BAZ2B: variants seen among roughly 807,000 people sequenced by gnomAD.
BAZ2B encodes bromodomain adjacent to zinc finger domain protein 2B.
BAZ2B carries 91 observed loss-of-function variants against 246.0 expected under a neutral mutation model. The ratio of observed to expected loss-of-function variants is 0.37; its 90% CI spans 0.31 to 0.44. The LOEUF (loss-of-function observed/expected upper bound fraction) is 0.44, where lower values mean the gene tolerates loss of function less well. Ranked by LOEUF, BAZ2B falls within the 20% of genes least tolerant of loss-of-function variation. The pLI is 1.00. For synonymous variants in BAZ2B, 855 were observed against 860.0 expected (o/e 0.99, Z 0.10); for missense variants, 2,332 against 2,533.7 (o/e 0.92, Z 1.71).
At chr2:159,664,835 C>A in the BAZ2B span, among the ~76,000 whole-genome samples, 2 of 141,140 alleles carry the variant, frequency 1.4e-5, no homozygotes, top group African/African-American at 5.4e-5. Context: ...GTTGCCTGTT[C>A]ACTCTGATGG....
chr2:159,354,640 C>T (rs115085009), intron 27 of BAZ2B, among the ~76,000 whole-genome samples: 5,427 of 152,106 alleles, frequency 0.036, 195 homozygotes, highest in African/African-American at 0.095. Context: ...TGTGAGCCAC[C>T]GCCTCTGGCT....
At chr2:159,697,891 G>A in the BAZ2B span, among the ~76,000 whole-genome samples, 2 of 152,042 alleles carry the variant, frequency 1.3e-5, no homozygotes, top group Middle Eastern at 3.4e-3. Flanking sequence ...TTTTATATGC[G>A]GGTTAGAGTT....
At chr2:159,389,536 G>T in intron 20 of BAZ2B, 51 bp from the exon 21 acceptor site, 5 of 1,410,860 alleles carry the variant, frequency 3.5e-6, no homozygotes, top group Non-Finnish European at 4.7e-6. Context: ...TATATATGTT[G>T]GAATAAACTT....
At chr2:159,569,702 G>A (rs1370116312) in intron 1 of BAZ2B, among the ~76,000 whole-genome samples, 4 of 152,098 alleles carry the variant, frequency 2.6e-5, no homozygotes, top group South Asian at 2.1e-4. Flanking sequence ...GCACACACCT[G>A]TAATCCCAGC....
At chr2:159,385,486 A>G in intron 22 of BAZ2B, 117 bp from the exon 23 acceptor site, 1 of 808,440 alleles carries the variant, frequency 1.2e-6, no homozygotes, top group Non-Finnish European at 1.8e-6. Flanking sequence ...AGCTTTATTC[A>G]CTTTTTTTTT....
chr2:159,425,908 AT>A (rs1325929883), intron 13 of BAZ2B, among the ~76,000 whole-genome samples: 24 of 152,214 alleles, frequency 1.6e-4, no homozygotes, highest in African/African-American at 5.8e-4. Context: ...GTATATAAAA[AT>A]GTACATGGTT....
At chr2:159,455,769 T>TTTG (rs2075683090) in intron 3 of BAZ2B, among the ~76,000 whole-genome samples, 1 of 143,938 alleles carries the variant, frequency 6.9e-6, no homozygotes, top group Non-Finnish European at 1.5e-5. Context: ...TGTGGTTTTT[T>TTTG]TTTTTTTTTT....
At chr2:159,385,405 C>G (rs1175927949) in intron 22 of BAZ2B, 36 bp from the exon 23 acceptor site, 1 of 1,540,470 alleles carries the variant, frequency 6.5e-7, no homozygotes, top group South Asian at 1.1e-5. Flanking sequence ...GTATTACTCA[C>G]AACCATTTAT....
At chr2:159,466,753 C>T (rs1026966196) in intron 3 of BAZ2B, among the ~76,000 whole-genome samples, 7 of 152,128 alleles carry the variant, frequency 4.6e-5, no homozygotes, top group African/African-American at 1.7e-4. Context: ...TAAGTCCCAG[C>T]CACGGAAGAA....
intron 1 of BAZ2B, among the ~76,000 whole-genome samples, chr2:159,603,120 G>C (rs1692563155): frequency 1.3e-5 from 2 of 152,328 alleles, no homozygotes; most frequent in South Asian, 4.1e-4. Context: ...CTAGGCAACA[G>C]AGCGAGACTC....
chr2:159,554,560 A>C (rs1169675682), intron 2 of BAZ2B, among the ~76,000 whole-genome samples: 1 of 151,950 alleles, frequency 6.6e-6, no homozygotes, highest in Non-Finnish European at 1.5e-5. Context: ...ATTTCTCTCT[A>C]GTCTCTGCAA....
chr2:159,385,478 C>A, intron 22 of BAZ2B, 109 bp from the exon 23 acceptor site: 2 of 856,522 alleles, frequency 2.3e-6, no homozygotes, highest in Non-Finnish European at 3.4e-6. Flanking sequence ...CTGACAAGAG[C>A]TTTATTCACT....
chr2:159,623,131 AAAAG>A, the BAZ2B span, among the ~76,000 whole-genome samples: 8 of 150,534 alleles, frequency 5.3e-5, no homozygotes, highest in African/African-American at 1.2e-4. Flanking sequence ...AAGGGAGAGA[AAAAG>A]AAAGATAAAA....
chr2:159,642,404 A>G, the BAZ2B span, among the ~76,000 whole-genome samples: 1 of 151,642 alleles, frequency 6.6e-6, no homozygotes, highest in Non-Finnish European at 1.5e-5. Context: ...CACCTAGCTA[A>G]TTTTTGTATT....
At chr2:159,632,992 A>G in the BAZ2B span, among the ~76,000 whole-genome samples, 1 of 152,222 alleles carries the variant, frequency 6.6e-6, no homozygotes, top group South Asian at 2.1e-4. Flanking sequence ...GTAAAAATCA[A>G]CTAGGGCATT....
At chr2:159,398,988 G>A in intron 17 of BAZ2B, 94 bp from the exon 18 acceptor site, 7 of 1,171,936 alleles carry the variant, frequency 6.0e-6, no homozygotes, top group Non-Finnish European at 8.7e-6. Context: ...TGTCTCACAA[G>A]GTACGAAACA....
At chr2:159,379,913 C>G (rs1376239141) in intron 25 of BAZ2B, among the ~76,000 whole-genome samples, 2 of 152,022 alleles carry the variant, frequency 1.3e-5, no homozygotes, top group Non-Finnish European at 2.9e-5. Flanking sequence ...ATTCCACAGC[C>G]CTATCTAGCA....
chr2:159,477,930 C>G (rs1038611097), intron 3 of BAZ2B, among the ~76,000 whole-genome samples: 2 of 152,190 alleles, frequency 1.3e-5, no homozygotes, highest in African/African-American at 2.4e-5. Context: ...TCAAGCGATT[C>G]TCCTGCCTTA....
intron 31 of BAZ2B, among the ~76,000 whole-genome samples, chr2:159,346,423 A>T (rs970122564): frequency 6.6e-6 from 1 of 152,188 alleles, no homozygotes; most frequent in Non-Finnish European, 1.5e-5. Flanking sequence ...AGCAGATTCT[A>T]GCCAGGCACA....
Sources: allele counts gnomAD v4.1 joint callset (sites outside exome capture counted in the v4.1 genomes callset), GRCh38; gene constraint gnomAD v4.1.1; transcripts MANE v1.5; gene names NCBI Gene and HGNC (gene_info 2026-07-23, HGNC 2026-07-21).